Variants in ORC5 observed in about 807,000 individuals in gnomAD.
The protein encoded by ORC5 is origin recognition complex subunit 5.
ORC5 carries 39 observed loss-of-function variants against 58.8 expected under a neutral mutation model. The observed-to-expected ratio is 0.66, with a 90% confidence interval of 0.51 to 0.87. The LOEUF is 0.87. Among genes scored for constraint, ORC5 ranks in the 40% least tolerant of loss-of-function variants. The pLI is 0.00. For synonymous variants in ORC5, 218 were observed against 177.6 expected (o/e 1.23, Z -1.81); for missense variants, 493 against 506.3 (o/e 0.97, Z 0.25).
chr7:104,149,069 G>T (rs1027069794), intron 12 of ORC5, among the ~76,000 whole-genome samples: 4 of 151,672 alleles, frequency 2.6e-5, no homozygotes, highest in African/African-American at 9.7e-5. Context: ...AAGGTTGGGG[G>T]AAAGCATGAT....
intron 1 of ORC5, among the ~76,000 whole-genome samples, chr7:104,205,084 C>CTTTTT (rs769195880): frequency 1.4e-4 from 14 of 102,392 alleles, no homozygotes; most frequent in African/African-American, 4.8e-4. Flanking sequence ...TTTAATAATA[C>CTTTTT]TCTTTTTTTT....
chr7:104,195,063 G>T, intron 5 of ORC5, 80 bp downstream of exon 5: 1 of 684,114 alleles, frequency 1.5e-6, no homozygotes, highest in Non-Finnish European at 2.5e-6. Flanking sequence ...ATTCCCATTT[G>T]AATATGCTAG....
At chr7:104,139,901 GTA>G (rs981929524) in intron 12 of ORC5, among the ~76,000 whole-genome samples, 2 of 151,780 alleles carry the variant, frequency 1.3e-5, no homozygotes, top group African/African-American at 4.8e-5. Flanking sequence ...ACTGAGAGAG[GTA>G]TTAAAATTCT....
chr7:104,136,795 G>T lies in ORC5; in HGVS notation c.1248C>A (p.Ile416=), dbSNP rs151321799. Residue 416 remains isoleucine (I), a synonymous_variant, in exon 13 of 14, where the codon ATC becomes ATA. Transcript: ENST00000297431. This position sits in a 1 kb window ranked among gnomAD's most constrained non-coding sequence, Gnocchi z 4.2. ...AGACATTTTACCTTGCAATAGCTCT[G>T]ATGAAGTCTAGAGACACTGTGCATT... ...KYKCTVSLDF[I]RAIARTVNFD... is the part of the protein sequence containing the mutation. 1 of 1,609,662 alleles carries T rather than the reference G, an allele frequency of 6.2e-7. No individual in the cohort carries two copies. The highest frequency in any genetic ancestry group is 8.5e-7 in the Non-Finnish European group (1 of 1,176,036).
intron 5 of ORC5, among the ~76,000 whole-genome samples, chr7:104,189,288 C>T (rs918665475): frequency 6.6e-6 from 1 of 151,770 alleles, no homozygotes; most frequent in Non-Finnish European, 1.5e-5. Flanking sequence ...AAGCACTCAA[C>T]AGGGCAGTAG....
intron 5 of ORC5, among the ~76,000 whole-genome samples, chr7:104,192,927 A>AAC (rs1019118082): frequency 2.6e-5 from 4 of 151,948 alleles, no homozygotes; most frequent in East Asian, 3.9e-4. Context: ...TCCCAAATAA[A>AAC]ACACACACAC....
chr7:104,200,036 C>T (rs759980113), intron 3 of ORC5, among the ~76,000 whole-genome samples: 21 of 152,180 alleles, frequency 1.4e-4, no homozygotes, highest in Non-Finnish European at 2.1e-4. Context: ...TGCCTTGCTT[C>T]CCCTTTGCCT....
intron 6 of ORC5, 98 bp from the exon 7 acceptor site, chr7:104,184,269 T>G (rs1429352292): frequency 1.4e-6 from 1 of 714,320 alleles, no homozygotes; most frequent in Non-Finnish European, 2.2e-6. Flanking sequence ...GTTCAGGAAA[T>G]TTTACTTAAC....
At chr7:104,153,566 ACTTAC>A (rs2115821121) in intron 12 of ORC5, among the ~76,000 whole-genome samples, 1 of 152,330 alleles carries the variant, frequency 6.6e-6, no homozygotes, top group African/African-American at 2.4e-5. Context: ...GATTTACATA[ACTTAC>A]CTTAATAGCA....
chr7:104,174,089 C>T (rs1458498252), intron 8 of ORC5, among the ~76,000 whole-genome samples: 4 of 151,998 alleles, frequency 2.6e-5, no homozygotes, highest in African/African-American at 9.7e-5. Flanking sequence ...CGTGATCCGC[C>T]CGCCTCGGCC....
intron 12 of ORC5, among the ~76,000 whole-genome samples, chr7:104,145,844 C>G (rs573108155): frequency 6.6e-6 from 1 of 152,288 alleles, no homozygotes; most frequent in Non-Finnish European, 1.5e-5. Context: ...CAATCCACAA[C>G]TGAGCGGCAA....
chr7:104,137,308 C>T (rs73189318), intron 12 of ORC5, among the ~76,000 whole-genome samples: 5,364 of 150,980 alleles, frequency 0.036, 149 homozygotes, highest in Non-Finnish European at 0.054. Context: ...TTTGTAGAGA[C>T]AGGGTCTCAC....
At position 104,184,005 on chromosome 7, in the gene ORC5, CCA is replaced by C. The variant is rs770190336; in HGVS notation, c.760_761del (p.Trp254GlufsTer4). 9 of 1,613,644 alleles carry C rather than the reference CCA, an allele frequency of 5.6e-6. No individual in the cohort carries two copies. Among genetic ancestry groups the C allele is most frequent in the South Asian group, 2.2e-5 (2 of 90,928 alleles). On this transcript the variant is annotated frameshift_variant, in exon 8 of 14. Coordinates refer to ENST00000297431, the MANE Select transcript of ORC5 (RefSeq NM_002553.4). LOFTEE classifies it high-confidence loss of function. ...EASERDTRKL[W>X]RNIEPHLKKA... ...TCTTCAAATGAGGTTCAATATTTCTCCACAGTTTGCGAGTATCACGTTCACTT... is the reference window on the plus strand; with the variant it reads ...TCTTCAAATGAGGTTCAATATTTCTCCAGTTTGCGAGTATCACGTTCACTT...
intron 12 of ORC5, 113 bp from the exon 13 acceptor site, chr7:104,137,006 T>G: frequency 1.4e-6 from 1 of 705,548 alleles, no homozygotes; most frequent in Non-Finnish European, 2.4e-6. Flanking sequence ...AAAAAACGTC[T>G]GCAAAGAAAA....
intron 12 of ORC5, among the ~76,000 whole-genome samples, chr7:104,157,751 A>C (rs1338106502): frequency 6.6e-6 from 1 of 152,074 alleles, no homozygotes; most frequent in Non-Finnish European, 1.5e-5. Context: ...CTACGAATGT[A>C]AAGAACAATA....
chr7:104,196,731 T>C (rs898148554), intron 4 of ORC5, among the ~76,000 whole-genome samples: 1 of 152,168 alleles, frequency 6.6e-6, no homozygotes, highest in Non-Finnish European at 1.5e-5. Flanking sequence ...TAAAATTAGG[T>C]AGGTATAAAC....
intron 8 of ORC5, among the ~76,000 whole-genome samples, chr7:104,170,051 G>C (rs147152431): frequency 2.0e-5 from 3 of 152,204 alleles, no homozygotes; most frequent in Non-Finnish European, 2.9e-5. Flanking sequence ...TTTTTCTCTA[G>C]CCTTGATAGT....
At chr7:104,174,540 T>C (rs182571609) in intron 8 of ORC5, among the ~76,000 whole-genome samples, 239 of 152,304 alleles carry the variant, frequency 1.6e-3, no homozygotes, top group Non-Finnish European at 1.9e-3. Flanking sequence ...TAGTCAGGCA[T>C]GAGCAGGACA....
chr7:104,192,442 T>C (rs887213687), intron 5 of ORC5, among the ~76,000 whole-genome samples: 4 of 152,128 alleles, frequency 2.6e-5, no homozygotes, highest in South Asian at 4.1e-4. Context: ...GGGCATTCAG[T>C]AGAGATTCCA....
Sources: gnomAD v4.1 joint callset for allele counts (sites outside exome capture counted in the v4.1 genomes callset) on GRCh38, gnomAD v4.1.1 for gene constraint, Gnocchi (gnomAD v3.1) non-coding constraint, MANE v1.5 for transcripts, NCBI Gene and HGNC (gene_info 2026-07-23, HGNC 2026-07-21) for gene names.